Variants in NCALD observed in about 807,000 individuals in gnomAD.
NCALD encodes the protein neurocalcin delta, also known as neurocalcin-delta.
Under a neutral mutation model 18.6 loss-of-function variants are expected in NCALD, and 10 were observed. That is an observed-to-expected ratio of 0.54 (90% CI 0.33 to 0.91). The LOEUF is 0.91. Ranked by LOEUF, NCALD falls within the 40% of genes least tolerant of loss-of-function variation. The probability of loss-of-function intolerance (pLI) is 0.03; values close to 1 mark genes in which losing one functional copy is unlikely to be tolerated. For synonymous variants in NCALD, 88 were observed against 87.4 expected (o/e 1.01, Z -0.04); for missense variants, 184 against 247.6 (o/e 0.74, Z 1.72).
chr8:101,957,785 C>T (rs1274801919), intron 2 of NCALD, among the ~76,000 whole-genome samples: 1 of 152,114 alleles, frequency 6.6e-6, no homozygotes, highest in Non-Finnish European at 1.5e-5. Context: ...TGGTGTGAGA[C>T]ATGTAATGCA....
chr8:101,935,654 G>A (rs1351020565), intron 2 of NCALD, among the ~76,000 whole-genome samples: 1 of 152,070 alleles, frequency 6.6e-6, no homozygotes, highest in East Asian at 1.9e-4. Flanking sequence ...GCAGTGGGGA[G>A]GTAATTCTGA....
At chr8:101,939,820 C>A (rs570722123) in intron 2 of NCALD, among the ~76,000 whole-genome samples, 1 of 152,238 alleles carries the variant, frequency 6.6e-6, no homozygotes, top group East Asian at 1.9e-4. Context: ...GTCTTTTGAT[C>A]CTCCCAACAA....
intron 3 of NCALD, among the ~76,000 whole-genome samples, chr8:101,895,997 A>G (rs1817150454): frequency 6.6e-6 from 1 of 151,252 alleles, no homozygotes; most frequent in African/African-American, 2.5e-5. Flanking sequence ...CTTTCTTCAC[A>G]GAATTGGAAA....
intron 2 of NCALD, among the ~76,000 whole-genome samples, chr8:101,937,999 G>A (rs1425906562): frequency 6.6e-6 from 1 of 152,180 alleles, no homozygotes. Flanking sequence ...TAGGAAAGAT[G>A]TTTCTGAAAT....
intron 1 of NCALD, among the ~76,000 whole-genome samples, chr8:101,747,371 C>G (rs1388850905): frequency 4.6e-5 from 7 of 152,162 alleles, no homozygotes; most frequent in Non-Finnish European, 5.9e-5. Flanking sequence ...GGAAGCGAAA[C>G]AGCCTTTTCC....
intron 4 of NCALD, among the ~76,000 whole-genome samples, chr8:101,882,345 T>C (rs1458147655): frequency 6.6e-6 from 1 of 151,918 alleles, no homozygotes; most frequent in Non-Finnish European, 1.5e-5. Context: ...GACATGAAGG[T>C]GGATTTAGTG....
At chr8:101,945,592 G>C (rs1225681925) in intron 2 of NCALD, among the ~76,000 whole-genome samples, 1 of 152,198 alleles carries the variant, frequency 6.6e-6, no homozygotes, top group Non-Finnish European at 1.5e-5. Context: ...GTACGGAAAA[G>C]AGCATGAGAT....
At chr8:101,933,005 G>A (rs140104002) in intron 2 of NCALD, among the ~76,000 whole-genome samples, 25 of 152,020 alleles carry the variant, frequency 1.6e-4, no homozygotes, top group Admixed American at 3.3e-4. Flanking sequence ...TTTTCTTCCC[G>A]GATGCACACA....
chr8:101,686,693 T>A lies in NCALD; in HGVS notation c.*2616A>T, dbSNP rs1814487586. ...GGATGGGACAGCACCCCCAGCTCCC[T>A]CCCACTCTGAATGATGTATGAACAG... On this transcript the variant is annotated 3_prime_UTR_variant, in exon 4 of 4. Coordinates refer to ENST00000220931, the MANE Select transcript of NCALD (RefSeq NM_032041.3). 6.5e-6 allele frequency: 1 copy of A among 152,690 alleles called. No individual in the cohort carries two copies. The highest frequency in any genetic ancestry group is 6.5e-5 in the Admixed American group (1 of 15,280). The allele number at this position is 152,690 out of a possible 1,614,324, so 9.5% of individuals were successfully genotyped here. A position where few individuals can be genotyped will look rare whatever the true frequency, so the allele number is the denominator to read the frequency against.
chr8:101,971,928 T>C lies in NCALD; in HGVS notation c.-157+48309A>G, dbSNP rs981352078. ...AATCTGGAAAAGACATGAGAAAATA[T>C]GTAATGACTTGTAGAAAGTCATGCC... On this transcript the variant is annotated intron_variant, in intron 2 of 6. Coordinates refer to the NCALD transcript ENST00000311028. Among the ~76,000 whole-genome samples, 5 of 152,146 alleles carry C rather than the reference T, an allele frequency of 3.3e-5. 1 individual carries two copies. The highest frequency in any genetic ancestry group is 5.9e-5 in the Non-Finnish European group (4 of 68,022).
chr8:101,854,193 G>T (rs1372869129), intron 4 of NCALD, among the ~76,000 whole-genome samples: 12 of 152,154 alleles, frequency 7.9e-5, no homozygotes, highest in Admixed American at 7.9e-4. Context: ...TGCACTATTG[G>T]TAGCAGGTGC....
intron 4 of NCALD, among the ~76,000 whole-genome samples, chr8:101,822,209 A>T (rs1813750344): frequency 6.6e-6 from 1 of 152,208 alleles, no homozygotes; most frequent in Admixed American, 6.5e-5. Context: ...TTGTAGTCAT[A>T]GTCTATCTTT....
chr8:101,829,230 C>T (rs552161501), intron 4 of NCALD, among the ~76,000 whole-genome samples: 2 of 152,160 alleles, frequency 1.3e-5, no homozygotes, highest in African/African-American at 4.8e-5. Flanking sequence ...ATTGAGGTCT[C>T]ATCTTTTTCT....
intron 2 of NCALD, among the ~76,000 whole-genome samples, chr8:101,992,176 A>G (rs1253510844): frequency 6.6e-6 from 1 of 152,182 alleles, no homozygotes; most frequent in East Asian, 1.9e-4. Flanking sequence ...GGATGGGTGG[A>G]TAGATGTGCT....
intron 4 of NCALD, among the ~76,000 whole-genome samples, chr8:101,835,702 G>A (rs905580441): frequency 6.6e-6 from 1 of 152,114 alleles, no homozygotes; most frequent in African/African-American, 2.4e-5. Flanking sequence ...ACCTAGCTGT[G>A]TGTGTGAGTG....
chr8:102,049,712 C>G (rs574094969), intron 1 of NCALD, among the ~76,000 whole-genome samples: 1 of 152,290 alleles, frequency 6.6e-6, no homozygotes, highest in East Asian at 1.9e-4. Context: ...TGGTTGGTGT[C>G]CCGTGTACTG....
chr8:102,006,122 C>A (rs78096630), intron 2 of NCALD, among the ~76,000 whole-genome samples: 3,958 of 152,080 alleles, frequency 0.026, 147 homozygotes, highest in African/African-American at 0.089. Context: ...CTCTCAAAAT[C>A]CATGATCAAT....
chr8:101,729,529 T>C (rs1053098038), intron 1 of NCALD, among the ~76,000 whole-genome samples: 5 of 152,170 alleles, frequency 3.3e-5, no homozygotes, highest in Non-Finnish European at 4.4e-5. Flanking sequence ...ATATCTCCTA[T>C]GTGAAGGGTC....
chr8:101,827,686 T>A (rs1019826680), intron 4 of NCALD, among the ~76,000 whole-genome samples: 1 of 152,216 alleles, frequency 6.6e-6, no homozygotes, highest in Non-Finnish European at 1.5e-5. Context: ...TAGAAACAGT[T>A]TTCTGTCTTA....
Sources: gnomAD v4.1 joint callset for allele counts (sites outside exome capture counted in the v4.1 genomes callset) on GRCh38, gnomAD v4.1.1 for gene constraint, MANE v1.5 for transcripts, NCBI Gene and HGNC (gene_info 2026-07-23, HGNC 2026-07-21) for gene names.